The following TSPAN5 variants were observed in gnomAD, a reference collection of about 807,000 sequenced individuals.
TSPAN5 encodes tetraspanin-5.
A neutral mutation model predicts 37.1 loss-of-function variants in TSPAN5; 10 were observed. That is an observed-to-expected ratio of 0.27 (90% CI 0.17 to 0.46). The LOEUF (loss-of-function observed/expected upper bound fraction) is 0.46, where lower values mean the gene tolerates loss of function less well. Ranked by LOEUF, TSPAN5 falls within the 20% of genes least tolerant of loss-of-function variation. TSPAN5 has a pLI of 1.00. For missense variants in TSPAN5, 195 were observed against 326.6 expected (o/e 0.60, Z 3.11); for synonymous variants, 110 against 118.9 (o/e 0.93, Z 0.48).
In TSPAN5 at chr4:98,658,269, G is replaced by C; in HGVS notation, c.-43C>G. On this transcript the variant is annotated 5_prime_UTR_variant, in exon 1 of 8. Transcript: ENST00000305798. Reference sequence around the variant, plus strand: ...ACACTTGCCCCGGCAGCCCGAGTTTGGAGCTCCGAAGCACCGTTGCTCGGA... The same window carrying C: ...ACACTTGCCCCGGCAGCCCGAGTTTCGAGCTCCGAAGCACCGTTGCTCGGA... 1 of 1,539,248 alleles carries C rather than the reference G, an allele frequency of 6.5e-7. No homozygotes were observed. Among genetic ancestry groups the C allele is most frequent in the Non-Finnish European group, 9.0e-7 (1 of 1,112,066 alleles).
At chr4:98,588,055 G>A (rs891083954) in intron 1 of TSPAN5, among the ~76,000 whole-genome samples, 2 of 152,020 alleles carry the variant, frequency 1.3e-5, no homozygotes, top group African/African-American at 2.4e-5. Flanking sequence ...GAAACCCGTC[G>A]TCGGCCATCC....
At chr4:98,639,135 C>A (rs1013813013) in intron 1 of TSPAN5, among the ~76,000 whole-genome samples, 2 of 152,176 alleles carry the variant, frequency 1.3e-5, no homozygotes, top group Non-Finnish European at 2.9e-5. Context: ...TGTCTCCCAA[C>A]AATTTGTGTG....
chr4:98,526,695 G>T (rs144931828), intron 1 of TSPAN5, among the ~76,000 whole-genome samples: 1 of 149,812 alleles, frequency 6.7e-6, no homozygotes, highest in Non-Finnish European at 1.5e-5. Flanking sequence ...TCATGAGGGG[G>T]TACAGGTCTC....
chr4:98,643,981 T>C (rs1167930455), intron 1 of TSPAN5, among the ~76,000 whole-genome samples: 1 of 152,208 alleles, frequency 6.6e-6, no homozygotes, highest in Non-Finnish European at 1.5e-5. Context: ...GTCTTCTGCC[T>C]CCATAAGGTC....
At chr4:98,533,939 T>TAAGAAAAA (rs1488955038) in intron 1 of TSPAN5, among the ~76,000 whole-genome samples, 4 of 31,148 alleles carry the variant, frequency 1.3e-4, no homozygotes, top group African/African-American at 7.3e-4. Flanking sequence ...TTGTTGATCT[T>TAAGAAAAA]AAAAAAAAAA....
intron 2 of TSPAN5, among the ~76,000 whole-genome samples, chr4:98,491,824 C>T (rs1753093311): frequency 6.6e-6 from 1 of 152,042 alleles, no homozygotes; most frequent in African/African-American, 2.4e-5. Context: ...TTTCATTCAG[C>T]TCAATTTGAC....
chr4:98,606,344 C>T (rs1175226063), intron 1 of TSPAN5, among the ~76,000 whole-genome samples: 1 of 152,188 alleles, frequency 6.6e-6, no homozygotes, highest in Non-Finnish European at 1.5e-5. Flanking sequence ...GAAAACAGGA[C>T]AAACACAAAA....
chr4:98,536,730 A>C (rs1754241904), intron 1 of TSPAN5, among the ~76,000 whole-genome samples: 1 of 152,234 alleles, frequency 6.6e-6, no homozygotes, highest in South Asian at 2.1e-4. Context: ...TGGCCCCAGC[A>C]GCCTTTCTGA....
chr4:98,648,219 C>T (rs1257021765), intron 1 of TSPAN5, among the ~76,000 whole-genome samples: 2 of 152,158 alleles, frequency 1.3e-5, no homozygotes, highest in African/African-American at 4.8e-5. Context: ...ATTCAATGAA[C>T]CTGTCATGCA....
rs186968149 is a variant in TSPAN5, at chr4:98,513,983, T to C, written c.82-6255A>G. 1.9e-4 allele frequency among the ~76,000 whole-genome samples: 29 copies of C among 152,220 alleles called. No individual in the cohort carries two copies. In the East Asian group the frequency reaches 5.4e-3, roughly 28 times the overall value. On this transcript the variant is annotated intron_variant, in intron 1 of 7. Coordinates refer to ENST00000305798, the MANE Select transcript of TSPAN5 (RefSeq NM_005723.4). The stretch of plus-strand genomic sequence containing the variant: ...TTTGCTTAAAAACATAGCAATTACA[T>C]TGATGGCATCTGCCCAGGATCCTGT...
chr4:98,543,333 A>G (rs975548196), intron 1 of TSPAN5, among the ~76,000 whole-genome samples: 18 of 152,200 alleles, frequency 1.2e-4, no homozygotes, highest in African/African-American at 3.6e-4. Flanking sequence ...TGTGTAAATC[A>G]TATCTGCACT....
intron 1 of TSPAN5, among the ~76,000 whole-genome samples, chr4:98,641,057 C>T (rs761638095): frequency 1.3e-5 from 2 of 152,206 alleles, no homozygotes; most frequent in Non-Finnish European, 2.9e-5. Context: ...CAGTCTCACC[C>T]TTAACCACTG....
At chr4:98,549,660 T>G (rs1754562601) in intron 1 of TSPAN5, among the ~76,000 whole-genome samples, 1 of 152,182 alleles carries the variant, frequency 6.6e-6, no homozygotes, top group African/African-American at 2.4e-5. Flanking sequence ...TTTTTCATGT[T>G]TGTTGGCCAC....
intron 1 of TSPAN5, among the ~76,000 whole-genome samples, chr4:98,613,775 G>A (rs1240556578): frequency 1.3e-5 from 2 of 151,956 alleles, no homozygotes; most frequent in Non-Finnish European, 1.5e-5. Flanking sequence ...GGTTGATATT[G>A]AGGGTGGGGA....
intron 1 of TSPAN5, among the ~76,000 whole-genome samples, chr4:98,547,254 T>C (rs1192512553): frequency 6.6e-6 from 1 of 152,196 alleles, no homozygotes; most frequent in African/African-American, 2.4e-5. Context: ...CTTAAGCTTT[T>C]ATTAAACTGT....
chr4:98,515,532 T>C (rs960496560), intron 1 of TSPAN5, among the ~76,000 whole-genome samples: 2 of 152,046 alleles, frequency 1.3e-5, no homozygotes, highest in African/African-American at 4.8e-5. Flanking sequence ...TCTCTCTCTC[T>C]CTCCCTCTCC....
chr4:98,473,453 T>C (rs945170472), intron 7 of TSPAN5, among the ~76,000 whole-genome samples: 1 of 110,344 alleles, frequency 9.1e-6, no homozygotes, highest in Non-Finnish European at 1.9e-5. Context: ...TTATTAGCCA[T>C]TTTTTTTTTT....
At position 98,608,901 on chromosome 4, in the gene TSPAN5, C is replaced by T. The variant is rs187438108; in HGVS notation, c.81+49245G>A. ...CCCACCACACCCTGTAAACTCTTTT[C>T]TGTCGCTCCCACAGGAAACAAAACA... is the stretch of plus-strand genomic sequence containing the variant. On this transcript the variant is annotated intron_variant, in intron 1 of 7. Transcript: ENST00000305798. Among the ~76,000 whole-genome samples the T allele has an allele frequency of 4.8e-3, 732 of 152,314 alleles. 4 individuals are homozygous for T. Among genetic ancestry groups the T allele is most frequent in the Middle Eastern group, 0.031 (9 of 294 alleles).
At chr4:98,581,427 AC>A (rs1320361518) in intron 1 of TSPAN5, among the ~76,000 whole-genome samples, 2 of 152,070 alleles carry the variant, frequency 1.3e-5, no homozygotes, top group African/African-American at 4.8e-5. Context: ...GTAAAAAATC[AC>A]CTTAAGGAAA....
Sources: gnomAD v4.1 joint callset for allele counts (sites outside exome capture counted in the v4.1 genomes callset) on GRCh38, gnomAD v4.1.1 for gene constraint, MANE v1.5 for transcripts, NCBI Gene and HGNC (gene_info 2026-07-23, HGNC 2026-07-21) for gene names.